RPS6KA2: variants seen among roughly 807,000 people sequenced by gnomAD.
RPS6KA2 encodes the protein ribosomal protein S6 kinase alpha-2.
Under a neutral mutation model 91.8 loss-of-function variants are expected in RPS6KA2, and 42 were observed. That is an observed-to-expected ratio of 0.46 (90% CI 0.36 to 0.59). The LOEUF is 0.59. Among genes scored for constraint, RPS6KA2 ranks in the 20% least tolerant of loss-of-function variants. The pLI is 0.00. For missense variants in RPS6KA2, 798 were observed against 978.5 expected (o/e 0.82, Z 2.46); for synonymous variants, 414 against 393.6 (o/e 1.05, Z -0.61).
At chr6:166,576,274 T>C (rs1011032897) in intron 1 of RPS6KA2, among the ~76,000 whole-genome samples, 11 of 152,148 alleles carry the variant, frequency 7.2e-5, no homozygotes, top group African/African-American at 2.7e-4. Context: ...TTGGTACCAG[T>C]AGAGTAAGGC....
intron 10 of RPS6KA2, among the ~76,000 whole-genome samples, chr6:166,470,328 TA>T (rs1374106348): frequency 1.3e-5 from 2 of 152,162 alleles, no homozygotes; most frequent in Non-Finnish European, 2.9e-5. Flanking sequence ...CTGCTGCAGT[TA>T]ACCCGGGAGG....
chr6:166,761,081 T>A (rs954371258), intron 2 of RPS6KA2, among the ~76,000 whole-genome samples: 1 of 152,246 alleles, frequency 6.6e-6, no homozygotes, highest in African/African-American at 2.4e-5. Context: ...TATTCATTTC[T>A]GAGACCGAGT....
At position 166,776,654 on chromosome 6, in the gene RPS6KA2, C is replaced by T. The variant is rs1024121678; in HGVS notation, c.123+81546G>A. Among the ~76,000 whole-genome samples, 6 of 152,184 alleles carry T rather than the reference C, an allele frequency of 3.9e-5. No homozygotes were observed. The East Asian group carries it at 5.8e-4, about 15-fold the overall frequency. The stretch of plus-strand genomic sequence containing the variant: ...TCTGGGCATTTGGTATAGACAGAAC[C>T]GCACAGCGTGGGGTCTTCTGGGTCT... On this transcript the variant is annotated intron_variant, in intron 2 of 21. Coordinates refer to the RPS6KA2 transcript ENST00000503859.
At chr6:166,429,010 A>G (rs1562487488) in intron 16 of RPS6KA2, among the ~76,000 whole-genome samples, 1 of 152,040 alleles carries the variant, frequency 6.6e-6, no homozygotes, top group Non-Finnish European at 1.5e-5. Context: ...GGCACTATTC[A>G]CAATAGCAAA....
In RPS6KA2 at chr6:166,815,373, A is replaced by G. The variant is rs531805311; in HGVS notation, c.123+42827T>C. 1.5e-4 allele frequency among the ~76,000 whole-genome samples: 23 copies of G among 152,266 alleles called. No individual in the cohort carries two copies. The South Asian group carries it at 4.6e-3, about 30-fold the overall frequency. On this transcript the variant is annotated intron_variant, in intron 2 of 21. Coordinates refer to the RPS6KA2 transcript ENST00000503859. Reference sequence around the variant, plus strand: ...TGCTGCCTGCCACATGCTTCACTGGATGTGAGGTGAGGAAAGAATGAATAT... The same window carrying G: ...TGCTGCCTGCCACATGCTTCACTGGGTGTGAGGTGAGGAAAGAATGAATAT...
At chr6:166,644,345 A>T (rs1449739422) in intron 2 of RPS6KA2, among the ~76,000 whole-genome samples, 2 of 152,086 alleles carry the variant, frequency 1.3e-5, no homozygotes, top group Admixed American at 6.5e-5. Context: ...AAAAGCCCAC[A>T]TTTCTTCAAA....
chr6:166,658,721 G>A (rs1371592198), intron 2 of RPS6KA2, among the ~76,000 whole-genome samples: 1 of 152,174 alleles, frequency 6.6e-6, no homozygotes, highest in East Asian at 1.9e-4. Flanking sequence ...AGAGTGGTTT[G>A]TGGTGTTGAA....
At chr6:166,487,839 T>C (rs1195424185) in intron 10 of RPS6KA2, among the ~76,000 whole-genome samples, 5 of 152,214 alleles carry the variant, frequency 3.3e-5, no homozygotes, top group Non-Finnish European at 7.3e-5. Flanking sequence ...TATCTCACAT[T>C]GTGAAATATG....
intron 1 of RPS6KA2, among the ~76,000 whole-genome samples, chr6:166,581,723 C>A (rs543955740): frequency 6.6e-6 from 1 of 151,128 alleles, no homozygotes; most frequent in South Asian, 2.2e-4. Context: ...CCACCCTGGG[C>A]GAGATGGGGA....
chr6:166,583,086 A>T (rs921853428), intron 1 of RPS6KA2, among the ~76,000 whole-genome samples: 2 of 152,206 alleles, frequency 1.3e-5, no homozygotes, highest in African/African-American at 4.8e-5. Context: ...TTATTTCAAT[A>T]TCAATTCTAA....
intron 14 of RPS6KA2, among the ~76,000 whole-genome samples, chr6:166,442,361 G>A (rs772963428): frequency 5.3e-5 from 8 of 152,200 alleles, no homozygotes; most frequent in African/African-American, 1.9e-4. Flanking sequence ...GTGTGCACTC[G>A]GGGTCTGACT....
chr6:166,492,890 A>ATTTTTTT (rs71032807), intron 8 of RPS6KA2, among the ~76,000 whole-genome samples: 6 of 103,576 alleles, frequency 5.8e-5, no homozygotes, highest in East Asian at 2.5e-4. Flanking sequence ...TAATTTTTGT[A>ATTTTTTT]TTTTTTTTTT....
intron 2 of RPS6KA2, among the ~76,000 whole-genome samples, chr6:166,680,891 C>A (rs1788782560): frequency 6.6e-6 from 1 of 152,246 alleles, no homozygotes; most frequent in Admixed American, 6.5e-5. Context: ...AAACTTCAGT[C>A]AGATGCAGAA....
At chr6:166,651,923 C>T (rs1472108960) in intron 2 of RPS6KA2, among the ~76,000 whole-genome samples, 13 of 152,268 alleles carry the variant, frequency 8.5e-5, no homozygotes, top group East Asian at 5.8e-4. Flanking sequence ...TGCCCCCCAA[C>T]GGCTGACAAC....
In RPS6KA2 at chr6:166,627,152, G is replaced by A. The variant is rs1786917955; in HGVS notation, c.-133C>T. ...GGCACGGCGGCCATGGGCGCGGGGC[G>A]TGGGGCGCGAGCTGCGGTCACAAAG... On this transcript the variant is annotated 5_prime_UTR_variant, in exon 1 of 21. In the 5' UTR this introduces an upstream ATG that the reference lacks. Transcript: ENST00000265678. 2 of 1,114,284 alleles carry A rather than the reference G, an allele frequency of 1.8e-6. No individual in the cohort carries two copies. The highest frequency in any genetic ancestry group is 2.2e-6 in the Non-Finnish European group (2 of 913,590). The allele number at this position is 1,114,284 out of a possible 1,614,324, so 69.0% of individuals were successfully genotyped here.
chr6:166,748,015 C>T (rs1205652245), intron 2 of RPS6KA2, among the ~76,000 whole-genome samples: 1 of 152,184 alleles, frequency 6.6e-6, no homozygotes, highest in East Asian at 1.9e-4. Context: ...CCAACGGTCC[C>T]TGTAGATCTG....
intron 1 of RPS6KA2, among the ~76,000 whole-genome samples, chr6:166,580,995 A>T (rs1784991565): frequency 6.6e-6 from 1 of 152,104 alleles, no homozygotes; most frequent in East Asian, 1.9e-4. Flanking sequence ...TCTGCCTCCC[A>T]GGTTCAAGCG....
intron 2 of RPS6KA2, among the ~76,000 whole-genome samples, chr6:166,640,968 C>T (rs1325421121): frequency 6.6e-6 from 1 of 152,176 alleles, no homozygotes; most frequent in African/African-American, 2.4e-5. Context: ...TTCTTTAGCT[C>T]ACACTTCAGC....
chr6:166,550,567 G>A (rs982114574), intron 1 of RPS6KA2, among the ~76,000 whole-genome samples: 2 of 152,222 alleles, frequency 1.3e-5, no homozygotes, highest in Non-Finnish European at 2.9e-5. Flanking sequence ...ATGGACGCCT[G>A]CAATATGGAC....
Sources: allele counts gnomAD v4.1 joint callset (sites outside exome capture counted in the v4.1 genomes callset), GRCh38; gene constraint gnomAD v4.1.1; transcripts MANE v1.5; gene names NCBI Gene and HGNC (gene_info 2026-07-23, HGNC 2026-07-21).